The following PKNOX2 variants were observed in gnomAD, a reference collection of about 807,000 sequenced individuals.
PKNOX2 encodes homeobox protein PKNOX2.
Under a neutral mutation model 53.1 loss-of-function variants are expected in PKNOX2, and 14 were observed. The ratio of observed to expected loss-of-function variants is 0.26; its 90% confidence interval spans 0.17 to 0.41. The LOEUF (loss-of-function observed/expected upper bound fraction) is 0.41, where lower values mean the gene tolerates loss of function less well. Ranked by LOEUF, PKNOX2 falls within the 10% of genes least tolerant of loss-of-function variation. The pLI is 1.00. For synonymous variants in PKNOX2, 257 were observed against 242.8 expected, an observed-to-expected ratio of 1.06 and a Z score of -0.54; for missense variants, 496 against 602.8, an observed-to-expected ratio of 0.82 and a Z score of 1.85.
chr11:125,409,679 T>C (rs1451354497), intron 7 of PKNOX2, among the ~76,000 whole-genome samples: 1 of 152,012 alleles, frequency 6.6e-6, no homozygotes, highest in Non-Finnish European at 1.5e-5. Context: ...CGGGAAAGCA[T>C]CAGGAGACAA....
intron 2 of PKNOX2, among the ~76,000 whole-genome samples, chr11:125,321,249 G>A (rs1364114225): frequency 1.3e-5 from 2 of 152,144 alleles, no homozygotes; most frequent in African/African-American, 4.8e-5. Context: ...GTAAAATTTC[G>A]AACAGTAAAT....
rs1380664589 is a variant in PKNOX2, at chr11:125,165,187, G to A, written c.-201+411G>A. 2.7e-5 allele frequency among the ~76,000 whole-genome samples: 4 copies of A among 150,610 alleles called. No homozygotes were observed. The highest frequency in any genetic ancestry group is 9.7e-5 in the African/African-American group (4 of 41,250). On this transcript the variant is annotated intron_variant, in intron 1 of 12. Coordinates refer to ENST00000298282, the MANE Select transcript of PKNOX2 (RefSeq NM_001382323.2). The surrounding 1 kb of genome is among the most constrained non-coding windows in gnomAD (Gnocchi z 4.5). ...CCGCCGCCTCGCCGCGCTTGGGCCCGTGGCCGGCCGCGCATTGTCCTCGGG... is the reference window on the plus strand; with the variant it reads ...CCGCCGCCTCGCCGCGCTTGGGCCCATGGCCGGCCGCGCATTGTCCTCGGG...
rs1393233454 is a variant in PKNOX2, at chr11:125,165,850, C to G, written c.-201+1074C>G. On this transcript the variant is annotated intron_variant, in intron 1 of 12. Coordinates refer to ENST00000298282, the MANE Select transcript of PKNOX2 (RefSeq NM_001382323.2). The surrounding 1 kb of genome is among the most constrained non-coding windows in gnomAD (Gnocchi z 4.5). ...AGAGCTGAGGGGGATGGCGCAGGAT[C>G]CCGAATCTGCCGCTCAAAGTTTGCA... Among the ~76,000 whole-genome samples the G allele has an allele frequency of 3.3e-5, 5 of 152,268 alleles. No homozygotes were observed. The highest frequency in any genetic ancestry group is 1.5e-5 in the Non-Finnish European group (1 of 68,014).
chr11:125,416,012 T>C (rs1955851974), intron 10 of PKNOX2, among the ~76,000 whole-genome samples: 1 of 152,120 alleles, frequency 6.6e-6, no homozygotes, highest in South Asian at 2.1e-4. Context: ...CAATAGAAAG[T>C]GGAATTACAG....
intron 2 of PKNOX2, among the ~76,000 whole-genome samples, chr11:125,269,946 A>T (rs1223788822): frequency 6.6e-6 from 1 of 152,170 alleles, no homozygotes; most frequent in African/African-American, 2.4e-5. Flanking sequence ...AGTGCCTCAT[A>T]TGTGCCAGGT....
intron 6 of PKNOX2, among the ~76,000 whole-genome samples, chr11:125,397,235 G>A (rs1954463372): frequency 1.3e-5 from 2 of 152,152 alleles, no homozygotes; most frequent in Admixed American, 6.5e-5. Flanking sequence ...AAGTCATGCT[G>A]GATTATTCAG....
intron 2 of PKNOX2, among the ~76,000 whole-genome samples, chr11:125,311,763 G>C (rs1565494175): frequency 6.6e-6 from 1 of 152,112 alleles, no homozygotes; most frequent in African/African-American, 2.4e-5. Flanking sequence ...TCCTATCAAA[G>C]CCTTGAGCAC....
intron 1 of PKNOX2, among the ~76,000 whole-genome samples, chr11:125,230,992 G>T (rs2135548965): frequency 6.6e-6 from 1 of 152,270 alleles, no homozygotes; most frequent in South Asian, 2.1e-4. Context: ...CCTCTCTGGA[G>T]GATTGGTTTG....
chr11:125,321,397 C>G (rs1056112768), intron 2 of PKNOX2, among the ~76,000 whole-genome samples: 2 of 152,182 alleles, frequency 1.3e-5, no homozygotes, highest in East Asian at 3.8e-4. Flanking sequence ...ATATAACCTA[C>G]GCACATACTC....
intron 2 of PKNOX2, among the ~76,000 whole-genome samples, chr11:125,322,742 C>T (rs116471142): frequency 8.3e-4 from 127 of 152,300 alleles, no homozygotes; most frequent in African/African-American, 3.0e-3. Context: ...GTGCAGGTCA[C>T]CTTTCCATTG....
intron 1 of PKNOX2, among the ~76,000 whole-genome samples, chr11:125,185,438 T>G (rs1221122452): frequency 6.6e-6 from 1 of 152,252 alleles, no homozygotes; most frequent in African/African-American, 2.4e-5. Context: ...TTCACACAGT[T>G]GTGCAAACTT....
At chr11:125,231,168 A>AC (rs1942170701) in intron 1 of PKNOX2, among the ~76,000 whole-genome samples, 3 of 151,954 alleles carry the variant, frequency 2.0e-5, no homozygotes, top group Admixed American at 1.3e-4. Flanking sequence ...TGTCTGGCTG[A>AC]CCCCCCGGTC....
At chr11:125,411,986 A>C in intron 10 of PKNOX2, 121 bp downstream of exon 10, 1 of 1,476,482 alleles carries the variant, frequency 6.8e-7, no homozygotes, top group Non-Finnish European at 9.2e-7. Context: ...CCTCGGGGAG[A>C]GCTCTCTGAT....
intron 1 of PKNOX2, among the ~76,000 whole-genome samples, chr11:125,194,457 C>G (rs1957065637): frequency 6.6e-6 from 1 of 152,032 alleles, no homozygotes; most frequent in Admixed American, 6.5e-5. Context: ...AGCTCCCAGT[C>G]CCCCACCCCC....
At chr11:125,368,291 G>C (rs1245774699) in intron 5 of PKNOX2, among the ~76,000 whole-genome samples, 1 of 152,156 alleles carries the variant, frequency 6.6e-6, no homozygotes, top group Non-Finnish European at 1.5e-5. Context: ...AGCTGCCTCA[G>C]GACCCTTTCC....
intron 2 of PKNOX2, among the ~76,000 whole-genome samples, chr11:125,262,003 G>A (rs1251354207): frequency 1.3e-5 from 2 of 152,220 alleles, no homozygotes; most frequent in Non-Finnish European, 2.9e-5. Context: ...GTGCGGGGAT[G>A]CAGAGCAGCC....
At chr11:125,384,748 T>C (rs367898785) in intron 5 of PKNOX2, among the ~76,000 whole-genome samples, 2 of 152,222 alleles carry the variant, frequency 1.3e-5, no homozygotes, top group South Asian at 2.1e-4. Flanking sequence ...CTAGATGTCA[T>C]AGAACCCCCC....
chr11:125,335,705 C>T (rs1419995309), intron 3 of PKNOX2, among the ~76,000 whole-genome samples: 1 of 152,162 alleles, frequency 6.6e-6, no homozygotes, highest in Non-Finnish European at 1.5e-5. Context: ...GTAGTTCCAG[C>T]TACTCAGGAG....
intron 2 of PKNOX2, among the ~76,000 whole-genome samples, chr11:125,242,356 T>C (rs1943224026): frequency 1.3e-5 from 2 of 152,152 alleles, no homozygotes; most frequent in South Asian, 4.1e-4. Flanking sequence ...TACCCCCACC[T>C]GCCCATCCAC....
Sources: gnomAD v4.1 joint callset for allele counts (sites outside exome capture counted in the v4.1 genomes callset) on GRCh38, gnomAD v4.1.1 for gene constraint, Gnocchi (gnomAD v3.1) non-coding constraint, MANE v1.5 for transcripts, NCBI Gene and HGNC (gene_info 2026-07-23, HGNC 2026-07-21) for gene names.